FAM174A: variants seen among roughly 807,000 people sequenced by gnomAD.
FAM174A encodes the protein family with sequence similarity 174 member A, also known as membrane protein FAM174A.
A neutral mutation model predicts 14.3 loss-of-function variants in FAM174A; 14 were observed. The ratio of observed to expected loss-of-function variants is 0.98; its 90% confidence interval spans 0.65 to 1.53. The LOEUF (loss-of-function observed/expected upper bound fraction) is 1.53. Ranked by LOEUF, FAM174A falls within the 40% of genes most tolerant of loss-of-function variation. The pLI is 0.00. For missense variants in FAM174A, 241 were observed against 249.6 expected (o/e 0.97, Z 0.23); for synonymous variants, 108 against 111.4 (o/e 0.97, Z 0.19).
intron 2 of FAM174A, chr5:100,581,558 CGCTTAAGGCTGGAAGACCAT>C (rs1747017799): frequency 1.2e-5 from 2 of 161,594 alleles, no homozygotes; most frequent in Admixed American, 6.5e-5. Context: ...TTCAAGACCT[CGCTTAAGGCTGGAAGACCAT>C]GCTTAAGGCT....
intron 2 of FAM174A, among the ~76,000 whole-genome samples, chr5:100,574,117 TACC>T: frequency 6.6e-6 from 1 of 152,318 alleles, no homozygotes; most frequent in African/African-American, 2.4e-5. Flanking sequence ...GAGCACAATG[TACC>T]ACTGAATTGG....
intron 1 of FAM174A, among the ~76,000 whole-genome samples, chr5:100,547,559 C>T (rs1390360965): frequency 6.6e-6 from 1 of 152,038 alleles, no homozygotes; most frequent in East Asian, 1.9e-4. Context: ...TAAAATGAAG[C>T]TATGAAAAGT....
chr5:100,573,425 T>C (rs540676954), intron 2 of FAM174A, among the ~76,000 whole-genome samples: 2,292 of 152,172 alleles, frequency 0.015, 61 homozygotes, highest in African/African-American at 0.052. Flanking sequence ...GAATTGATTT[T>C]TGTATAAGGT....
intron 2 of FAM174A, among the ~76,000 whole-genome samples, chr5:100,571,162 A>G (rs1330978861): frequency 1.3e-5 from 2 of 151,084 alleles, no homozygotes; most frequent in Non-Finnish European, 3.0e-5. Flanking sequence ...GTATATATAT[A>G]TGTGTGTGTG....
chr5:100,535,546 T>C lies in FAM174A; in HGVS notation c.16T>C (p.Cys6Arg), dbSNP rs1191381875. The change falls in exon 1 of 3, where the codon TGC (cysteine) becomes CGC (arginine). Residue 6 changes from cysteine to arginine, a missense_variant. Transcript: ENST00000312637. MKASQ[C>R]CCCLSHLLAS... The stretch of plus-strand genomic sequence containing the variant: ...TCCGGGAACGATGAAGGCCTCGCAG[T>C]GCTGCTGCTGTCTCAGCCACCTCTT... 2 of 1,613,034 alleles carry C rather than the reference T, an allele frequency of 1.2e-6. No individual in the cohort carries two copies. Among genetic ancestry groups the C allele is most frequent in the Admixed American group, 3.3e-5 (2 of 60,026 alleles).
intron 2 of FAM174A, among the ~76,000 whole-genome samples, chr5:100,577,559 AAT>A (rs1196789853): frequency 7.2e-5 from 11 of 152,128 alleles, no homozygotes; most frequent in Non-Finnish European, 1.3e-4. Flanking sequence ...CCTCGTTAAG[AAT>A]ATCTTATTCA....
At chr5:100,542,591 C>T (rs1746079641) in intron 1 of FAM174A, among the ~76,000 whole-genome samples, 1 of 152,222 alleles carries the variant, frequency 6.6e-6, no homozygotes, top group Admixed American at 6.5e-5. Flanking sequence ...CAACACTGAA[C>T]AGATGGTGTT....
intron 2 of FAM174A, among the ~76,000 whole-genome samples, chr5:100,567,524 A>T (rs962827929): frequency 2.0e-5 from 3 of 151,896 alleles, no homozygotes; most frequent in Admixed American, 1.3e-4. Context: ...TTACTTTTTT[A>T]AAAATTATTT....
intron 1 of FAM174A, among the ~76,000 whole-genome samples, chr5:100,545,833 A>G (rs1415589623): frequency 6.6e-6 from 1 of 152,220 alleles, no homozygotes. Flanking sequence ...AACACATGAC[A>G]TAATTATAAC....
chr5:100,560,066 C>A (rs1228386167), intron 1 of FAM174A, among the ~76,000 whole-genome samples: 1 of 151,942 alleles, frequency 6.6e-6, no homozygotes, highest in Non-Finnish European at 1.5e-5. Flanking sequence ...GTTTTTTCCC[C>A]ATCTTTGTGG....
chr5:100,568,215 A>G (rs1746704341), intron 2 of FAM174A, among the ~76,000 whole-genome samples: 1 of 151,870 alleles, frequency 6.6e-6, no homozygotes, highest in South Asian at 2.1e-4. Flanking sequence ...ATGTTGTCCC[A>G]GATGTGGTCA....
intron 2 of FAM174A, among the ~76,000 whole-genome samples, chr5:100,568,422 T>C (rs931345014): frequency 1.3e-5 from 2 of 151,930 alleles, no homozygotes; most frequent in Admixed American, 6.6e-5. Flanking sequence ...ACTTTGTTTC[T>C]GGGCCTTTCA....
At chr5:100,548,644 C>T (rs1324890657) in intron 1 of FAM174A, among the ~76,000 whole-genome samples, 3 of 151,994 alleles carry the variant, frequency 2.0e-5, no homozygotes, top group Non-Finnish European at 4.4e-5. Context: ...ATTCACTGTC[C>T]CACATTTAAT....
intron 2 of FAM174A, among the ~76,000 whole-genome samples, chr5:100,574,200 T>C (rs1416010089): frequency 1.3e-5 from 2 of 152,068 alleles, no homozygotes; most frequent in Non-Finnish European, 2.9e-5. Flanking sequence ...ATTTTTTTTA[T>C]TTTTTTGAGA....
chr5:100,536,076 C>T (rs1745937518), intron 1 of FAM174A, 112 bp downstream of exon 1: 1 of 934,912 alleles, frequency 1.1e-6, no homozygotes, highest in African/African-American at 1.7e-5. Context: ...ATCAGGGACT[C>T]CTGCTTAAGA....
chr5:100,585,123 G>A lies in FAM174A; in HGVS notation c.570-1058G>A, dbSNP rs538376220. Among the ~76,000 whole-genome samples, 11 of 152,208 alleles carry A rather than the reference G, an allele frequency of 7.2e-5. No individual in the cohort carries two copies. The South Asian group carries it at 1.9e-3, about 26-fold the overall frequency. ...GGTATTTTAAATAAATACCAACAAC[G>A]CTTGAGCTCACCATAATAATAACTA... On this transcript the variant is annotated intron_variant, in intron 2 of 2. Transcript: ENST00000312637.
intron 1 of FAM174A, among the ~76,000 whole-genome samples, chr5:100,560,295 C>T (rs1475657036): frequency 1.3e-5 from 2 of 152,066 alleles, no homozygotes; most frequent in African/African-American, 4.8e-5. Context: ...TGTTTGCACA[C>T]ATACACACAC....
intron 2 of FAM174A, among the ~76,000 whole-genome samples, chr5:100,564,528 AATT>A (rs1213203767): frequency 1.3e-5 from 2 of 151,906 alleles, no homozygotes; most frequent in Admixed American, 1.3e-4. Context: ...CGAGGGAAAT[AATT>A]AAGATTATAA....
At chr5:100,544,366 C>CCCTGCATTTGTACT in intron 1 of FAM174A, among the ~76,000 whole-genome samples, 1 of 150,332 alleles carries the variant, frequency 6.7e-6, no homozygotes, top group South Asian at 2.1e-4. Flanking sequence ...GCATTTGTAC[C>CCCTGCATTTGTACT]CCTGCATTTG....
Sources: allele counts gnomAD v4.1 joint callset (sites outside exome capture counted in the v4.1 genomes callset), GRCh38; gene constraint gnomAD v4.1.1; transcripts MANE v1.5; gene names NCBI Gene and HGNC (gene_info 2026-07-23, HGNC 2026-07-21).